EXOC3: variants seen among roughly 807,000 people sequenced by gnomAD.
The protein encoded by EXOC3 is SEC6-like 1.
EXOC3 carries 21 observed loss-of-function variants against 73.7 expected under a neutral mutation model. The observed-to-expected ratio is 0.29, with a 90% CI of 0.20 to 0.41. The LOEUF (loss-of-function observed/expected upper bound fraction) is 0.41. Among genes scored for constraint, EXOC3 ranks in the 10% least tolerant of loss-of-function variants. EXOC3 has a pLI of 1.00. For synonymous variants in EXOC3, 410 were observed against 389.1 expected, an observed-to-expected ratio of 1.05 and a Z score of -0.63; for missense variants, 842 against 985.1, an observed-to-expected ratio of 0.85 and a Z score of 1.95.
intron 4 of EXOC3, among the ~76,000 whole-genome samples, chr5:456,396 G>GA (rs1737808580): frequency 1.3e-5 from 1 of 75,786 alleles, no homozygotes; most frequent in African/African-American, 6.5e-5. Flanking sequence ...CCGTGGCTGT[G>GA]GGGGCGGCTG....
chr5:443,220 GGGCGGCGGGGGCGGCGGCGGCGGC>G lies in EXOC3; in HGVS notation c.-118_-95del, dbSNP rs1446699097. 4 of 153,086 alleles carry G rather than the reference GGGCGGCGGGGGCGGCGGCGGCGGC, an allele frequency of 2.6e-5. No individual in the cohort carries two copies. The highest frequency in any genetic ancestry group is 5.0e-5 in the African/African-American group (2 of 40,210). 9.5% of individuals were successfully genotyped at this position (153,086 alleles called of 1,614,324 possible). On this transcript the variant is annotated 5_prime_UTR_variant, in exon 1 of 13. Transcript: ENST00000512944. The stretch of plus-strand genomic sequence containing the variant: ...GAGGCGGAGGCAGCGAAGGCGGAGG[GGGCGGCGGGGGCGGCGGCGGCGGC>G]GGCGGCGGCGGCGGCGGCGGCGGCG...
At chr5:459,979 C>G (rs188555613) in intron 7 of EXOC3, among the ~76,000 whole-genome samples, 1 of 152,370 alleles carries the variant, frequency 6.6e-6, no homozygotes, top group African/African-American at 2.4e-5. Context: ...GCCATCCCCT[C>G]CAAAGCCCCC....
At chr5:451,002 G>T (rs1488818565) in intron 3 of EXOC3, among the ~76,000 whole-genome samples, 1 of 152,128 alleles carries the variant, frequency 6.6e-6, no homozygotes, top group East Asian at 1.9e-4. Context: ...TTTGATTGAA[G>T]ATTTTAATTA....
chr5:448,822 T>C (rs1012767963), intron 3 of EXOC3, among the ~76,000 whole-genome samples: 1 of 152,210 alleles, frequency 6.6e-6, no homozygotes, highest in Non-Finnish European at 1.5e-5. Context: ...TGTGCCCTTC[T>C]TCCAGGGCAT....
intron 2 of EXOC3, 22 bp from the exon 3 acceptor site, chr5:447,510 AC>A (rs2126572335): frequency 6.6e-7 from 1 of 1,505,594 alleles, no homozygotes; most frequent in East Asian, 2.5e-5. Context: ...GGCTCTGCTC[AC>A]CCGTGTGGCG....
chr5:459,979 C>T (rs188555613), intron 7 of EXOC3, among the ~76,000 whole-genome samples: 11 of 152,252 alleles, frequency 7.2e-5, no homozygotes, highest in Non-Finnish European at 1.5e-4. Context: ...GCCATCCCCT[C>T]CAAAGCCCCC....
chr5:444,188 C>T (rs989870957), intron 1 of EXOC3, among the ~76,000 whole-genome samples: 1 of 152,228 alleles, frequency 6.6e-6, no homozygotes, highest in African/African-American at 2.4e-5. Flanking sequence ...TCAGAAAGGC[C>T]CTGGTAGGGG....
intron 7 of EXOC3, among the ~76,000 whole-genome samples, chr5:460,463 C>T (rs1737951053): frequency 6.6e-6 from 1 of 152,224 alleles, no homozygotes; most frequent in Admixed American, 6.5e-5. Context: ...TTAGGTACTA[C>T]AGCCACGCCG....
At chr5:450,746 C>T (rs1169763894) in intron 3 of EXOC3, among the ~76,000 whole-genome samples, 1 of 149,144 alleles carries the variant, frequency 6.7e-6, no homozygotes, top group East Asian at 1.9e-4. Context: ...GTTACATCTT[C>T]TTGCTGAACC....
At position 453,312 on chromosome 5, in the gene EXOC3, C is replaced by T; in HGVS notation, c.365-58C>T. ...TGCCGTGTTCCCAGAACACCGCATG[C>T]AGGCAGCCTTTTATGTGGTGGTGGT... On this transcript the variant is annotated intron_variant, in intron 3 of 12. Coordinates refer to ENST00000512944, the MANE Select transcript of EXOC3 (RefSeq NM_007277.5). 2.9e-6 allele frequency: 4 copies of T among 1,360,718 alleles called. No homozygotes were observed. The South Asian group carries it at 4.1e-5, about 14-fold the overall frequency. The allele number at this position is 1,360,718 out of a possible 1,614,324, so 84.3% of individuals were successfully genotyped here.
intron 7 of EXOC3, 170 bp downstream of exon 7, chr5:459,629 G>A: frequency 2.0e-6 from 1 of 499,516 alleles, no homozygotes; most frequent in Non-Finnish European, 3.6e-6. Flanking sequence ...GGAGCTTCTG[G>A]ATCATCTTCC....
intron 4 of EXOC3, among the ~76,000 whole-genome samples, chr5:454,943 A>G (rs1342711088): frequency 2.7e-5 from 4 of 145,528 alleles, no homozygotes; most frequent in South Asian, 2.1e-4. Flanking sequence ...GCTTATAGAG[A>G]ATTTGCATTT....
rs890846406 is a variant in EXOC3, at chr5:466,625, C to G, written c.2067-102C>G. 6.4e-5 allele frequency: 77 copies of G among 1,203,150 alleles called. 1 individual carries two copies. The East Asian group carries it at 1.0e-3, about 16-fold the overall frequency. The allele number at this position is 1,203,150 out of a possible 1,614,324, so 74.5% of individuals were successfully genotyped here. On this transcript the variant is annotated intron_variant, in intron 12 of 12. Transcript: ENST00000512944. The stretch of plus-strand genomic sequence containing the variant: ...AATTTGTCTGCAGCGGTCCTCACCC[C>G]CTGTGTTCTGTCAGCTGGGGTGGTG...
intron 2 of EXOC3, among the ~76,000 whole-genome samples, chr5:446,599 G>C (rs1045862459): frequency 4.6e-5 from 7 of 152,360 alleles, no homozygotes; most frequent in Non-Finnish European, 7.4e-5. Flanking sequence ...ACTCATGCCT[G>C]TAATCCCAGC....
In EXOC3 at chr5:454,068, G is replaced by T. The variant is rs761988446; in HGVS notation, c.1046+17G>T. On this transcript the variant is annotated intron_variant, in intron 4 of 12. Transcript: ENST00000512944. ...CTACACAAGGTAAAGCTAACCTGGCGCCTGTGTTGGCTCTTAGGTAGAAGC... is the reference window on the plus strand; with the variant it reads ...CTACACAAGGTAAAGCTAACCTGGCTCCTGTGTTGGCTCTTAGGTAGAAGC... 6.4e-7 allele frequency: 1 copy of T among 1,565,136 alleles called. No homozygotes were observed.
chr5:465,506 C>G (rs1738120002), intron 11 of EXOC3, among the ~76,000 whole-genome samples: 1 of 152,250 alleles, frequency 6.6e-6, no homozygotes, highest in African/African-American at 2.4e-5. Context: ...GGACGCTTCC[C>G]AGTCTGTCCT....
chr5:461,671 C>T (rs1455198175), intron 7 of EXOC3: 16 of 403,192 alleles, frequency 4.0e-5, no homozygotes, highest in East Asian at 2.9e-4. Flanking sequence ...CTCACTGCAG[C>T]GCAGCCAGCA....
At chr5:464,985 C>A in intron 10 of EXOC3, 126 bp from the exon 11 acceptor site, 1 of 975,988 alleles carries the variant, frequency 1.0e-6, no homozygotes, top group Non-Finnish European at 1.5e-6. Context: ...AGAGCCGTGG[C>A]GGAGCGAGGA....
intron 5 of EXOC3, 83 bp downstream of exon 5, chr5:457,089 G>T: frequency 2.1e-6 from 2 of 944,042 alleles, no homozygotes; most frequent in South Asian, 2.7e-5. Flanking sequence ...AGGAGGCAGG[G>T]GGGAAATGCC....
Sources: gnomAD v4.1 joint callset for allele counts (sites outside exome capture counted in the v4.1 genomes callset) on GRCh38, gnomAD v4.1.1 for gene constraint, MANE v1.5 for transcripts, NCBI Gene and HGNC (gene_info 2026-07-23, HGNC 2026-07-21) for gene names.